The following AKIRIN2 variants were observed in gnomAD, a reference collection of about 807,000 sequenced individuals.
The protein encoded by AKIRIN2 is akirin 2.
Under a neutral mutation model 29.3 loss-of-function variants are expected in AKIRIN2, and 6 were observed. That is an observed-to-expected ratio of 0.20 (90% confidence interval 0.11 to 0.40). The LOEUF (loss-of-function observed/expected upper bound fraction) is 0.40. Among genes scored for constraint, AKIRIN2 ranks in the 10% least tolerant of loss-of-function variants. The pLI is 1.00. For missense variants in AKIRIN2, 210 were observed against 276.1 expected (o/e 0.76, Z 1.70); for synonymous variants, 128 against 117.5 (o/e 1.09, Z -0.58).
At chr6:87,698,995 T>C (rs899350067) in intron 1 of AKIRIN2, among the ~76,000 whole-genome samples, 1 of 152,204 alleles carries the variant, frequency 6.6e-6, no homozygotes, top group Non-Finnish European at 1.5e-5. Flanking sequence ...TAGTTCTACA[T>C]TAATTTGTAT....
rs766699174 is a variant in AKIRIN2, at chr6:87,701,657, T to A, written c.28A>T (p.Thr10Ser). Residue 10 changes from threonine (T) to serine (S), a missense_variant, in exon 1 of 5, where the codon ACT becomes TCT. Thr to Ser is a moderately conservative substitution (Grantham distance 58). Transcript: ENST00000257787. ...CTCAACAGCGGGTCGAAATCCAGAG[T>A]CCTTTTCAGAGTGGCTCCGCACGCC... MACGATLKRTLDFDPLLSPA... is the reference protein window; with the variant it reads MACGATLKRSLDFDPLLSPA... 2 of 1,466,668 alleles carry A rather than the reference T, an allele frequency of 1.4e-6. No individual in the cohort carries two copies. The highest frequency in any genetic ancestry group is 1.8e-6 in the Non-Finnish European group (2 of 1,113,400). The allele number at this position is 1,466,668 out of a possible 1,614,324, so 90.9% of individuals were successfully genotyped here.
intron 3 of AKIRIN2, among the ~76,000 whole-genome samples, chr6:87,676,601 A>ACG (rs1220775678): frequency 6.0e-4 from 16 of 26,692 alleles, no homozygotes; most frequent in African/African-American, 1.2e-3. Context: ...CTAAAAACAC[A>ACG]CACACACACA....
chr6:87,675,519 T>C lies in AKIRIN2; in HGVS notation c.*78A>G, dbSNP rs1011904272. 1.0e-5 allele frequency: 16 copies of C among 1,568,934 alleles called. No individual in the cohort carries two copies. Among genetic ancestry groups the C allele is most frequent in the Non-Finnish European group, 1.4e-5 (16 of 1,139,390 alleles). ...TGTATTCACAGAAGGGGTATTGGCA[T>C]TGCTGCATGTCATAATTGGGACCTC... is the stretch of plus-strand genomic sequence containing the variant. On this transcript the variant is annotated 3_prime_UTR_variant, in exon 5 of 5. Coordinates refer to ENST00000257787, the MANE Select transcript of AKIRIN2 (RefSeq NM_018064.4).
At chr6:87,697,907 A>G (rs1157889417) in intron 1 of AKIRIN2, among the ~76,000 whole-genome samples, 1 of 152,222 alleles carries the variant, frequency 6.6e-6, no homozygotes, top group Non-Finnish European at 1.5e-5. Flanking sequence ...ACATTCACAG[A>G]AGGGTATCTT....
rs888602425 is a variant in AKIRIN2 at position 87,701,548 on chromosome 6, G to A, written c.137C>T (p.Ala46Val). 6 of 1,411,322 alleles carry A rather than the reference G, an allele frequency of 4.3e-6. No individual in the cohort carries two copies. The African/African-American group carries it at 7.6e-5, about 18-fold the overall frequency. The allele number at this position is 1,411,322 out of a possible 1,614,324, so 87.4% of individuals were successfully genotyped here. ...CGCAGCGGAGAAGGAGGCGGCGGTG[G>A]CCGCGGCCGCCGACAACGGGGAGGC... is the stretch of plus-strand genomic sequence containing the variant. ...AAASPLSAAA[A>V]TAASFSAAAA... The change falls in exon 1 of 5, where the codon GCC becomes GTC. Residue 46 changes from alanine to valine, a missense_variant. By Grantham distance (64) the Ala-to-Val change is moderately conservative. Around this residue, in one of 2 missense-constraint regions of AKIRIN2, gnomAD observed 199 missense variants for 236.5 expected, o/e 0.84. Coordinates refer to ENST00000257787, the MANE Select transcript of AKIRIN2 (RefSeq NM_018064.4).
intron 2 of AKIRIN2, among the ~76,000 whole-genome samples, chr6:87,680,152 T>G (rs1366488279): frequency 6.6e-6 from 1 of 152,196 alleles, no homozygotes; most frequent in Non-Finnish European, 1.5e-5. Context: ...GCTAATACAG[T>G]CTAGTGCCCA....
intron 1 of AKIRIN2, among the ~76,000 whole-genome samples, chr6:87,690,183 G>C (rs1771255767): frequency 6.9e-6 from 1 of 145,822 alleles, no homozygotes; most frequent in African/African-American, 2.6e-5. Context: ...TCCAGCCTGG[G>C]CAACAACAGC....
chr6:87,702,099 A>C lies in AKIRIN2; in HGVS notation c.-415T>G, dbSNP rs1387670978. 18 of 399,088 alleles carry C rather than the reference A, an allele frequency of 4.5e-5. No individual in the cohort carries two copies. The highest frequency in any genetic ancestry group is 7.5e-5 in the Non-Finnish European group (17 of 226,248). The allele number at this position is 399,088 out of a possible 1,614,324, so 24.7% of individuals were successfully genotyped here. ...ACAGCACCGTGGGGTGTGAGGCTGG[A>C]ACGCGGCTCCTAATACGCCCGAGTA... On this transcript the variant is annotated 5_prime_UTR_variant, in exon 1 of 5. Coordinates refer to ENST00000257787, the MANE Select transcript of AKIRIN2 (RefSeq NM_018064.4).
At chr6:87,698,729 T>G (rs1771410404) in intron 1 of AKIRIN2, among the ~76,000 whole-genome samples, 1 of 152,198 alleles carries the variant, frequency 6.6e-6, no homozygotes, top group African/African-American at 2.4e-5. Flanking sequence ...TTAACTTCCG[T>G]CAGCTCAGCT....
chr6:87,676,268 T>G (rs1336562606), intron 3 of AKIRIN2, among the ~76,000 whole-genome samples: 2 of 149,326 alleles, frequency 1.3e-5, no homozygotes, highest in Non-Finnish European at 3.0e-5. Context: ...ATCGAGACCA[T>G]CCTGGCTAAC....
rs750378823 is a variant in AKIRIN2, at chr6:87,701,729, G to A, written c.-45C>T. ...GCCGGGCTCGGGTGGGGTCGGGGACGGGTGACGAAAGAAGAGGGTGAGGGA... is the reference window on the plus strand; with the variant it reads ...GCCGGGCTCGGGTGGGGTCGGGGACAGGTGACGAAAGAAGAGGGTGAGGGA... On this transcript the variant is annotated 5_prime_UTR_variant, in exon 1 of 5. Transcript: ENST00000257787. 1 of 1,342,360 alleles carries A rather than the reference G, an allele frequency of 7.4e-7. No homozygotes were observed. Among genetic ancestry groups the A allele is most frequent in the Non-Finnish European group, 9.8e-7 (1 of 1,023,004 alleles). The allele number at this position is 1,342,360 out of a possible 1,614,324, so 83.2% of individuals were successfully genotyped here.
In AKIRIN2 at chr6:87,687,341, G is replaced by A. The variant is rs149336415; in HGVS notation, c.236-5578C>T. On this transcript the variant is annotated intron_variant, in intron 1 of 4. Coordinates refer to ENST00000257787, the MANE Select transcript of AKIRIN2 (RefSeq NM_018064.4). ...GCAGATCACCTGAGGTTGGGAGTTC[G>A]AGACCAGCCTGACCAACTCCAAGAA... 9.7e-4 allele frequency among the ~76,000 whole-genome samples: 143 copies of A among 147,566 alleles called. 1 individual carries two copies. In the South Asian group the frequency reaches 9.9e-3, roughly 10 times the overall value.
intron 1 of AKIRIN2, among the ~76,000 whole-genome samples, chr6:87,687,452 A>AAAAAAAC (rs1327685866): frequency 6.7e-6 from 1 of 148,380 alleles, no homozygotes; most frequent in African/African-American, 2.5e-5. Flanking sequence ...AAAAAAAAAA[A>AAAAAAAC]AAAACACACT....
At chr6:87,695,337 A>C (rs1464494279) in intron 1 of AKIRIN2, among the ~76,000 whole-genome samples, 1 of 152,230 alleles carries the variant, frequency 6.6e-6, no homozygotes, top group Admixed American at 6.5e-5. Flanking sequence ...TGACAATGTC[A>C]TAGAACAGTC....
At chr6:87,684,928 C>T (rs574097182) in intron 1 of AKIRIN2, among the ~76,000 whole-genome samples, 1 of 152,068 alleles carries the variant, frequency 6.6e-6, no homozygotes, top group African/African-American at 2.4e-5. Context: ...TTATTTTGTT[C>T]TTACAAAATA....
At chr6:87,687,282 C>A (rs773090384) in intron 1 of AKIRIN2, among the ~76,000 whole-genome samples, 3 of 149,866 alleles carry the variant, frequency 2.0e-5, no homozygotes, top group Non-Finnish European at 4.4e-5. Context: ...GTGGCTCACA[C>A]CTGTAATCCC....
chr6:87,686,280 C>T (rs756316961), intron 1 of AKIRIN2, among the ~76,000 whole-genome samples: 1 of 152,042 alleles, frequency 6.6e-6, no homozygotes, highest in African/African-American at 2.4e-5. Context: ...CCACTGATTA[C>T]TTAGGAAATG....
intron 1 of AKIRIN2, among the ~76,000 whole-genome samples, chr6:87,690,006 T>G (rs911594659): frequency 6.6e-6 from 1 of 151,690 alleles, no homozygotes. Flanking sequence ...AGGTCAGGAG[T>G]TGGAGGCCAG....
chr6:87,685,903 C>T (rs1771178653), intron 1 of AKIRIN2, among the ~76,000 whole-genome samples: 1 of 152,128 alleles, frequency 6.6e-6, no homozygotes, highest in African/African-American at 2.4e-5. Context: ...GCACCTATTC[C>T]TTTGGAATAT....
Sources: gnomAD v4.1 joint callset for allele counts (sites outside exome capture counted in the v4.1 genomes callset) on GRCh38, gnomAD v4.1.1 for gene constraint, gnomAD v4.1.1 regional missense constraint, MANE v1.5 for transcripts, NCBI Gene and HGNC (gene_info 2026-07-23, HGNC 2026-07-21) for gene names.